Variants in EYS observed in about 807,000 individuals in gnomAD.
The protein encoded by EYS is EGF-like photoreceptor maintenance factor.
Under a neutral mutation model 282.1 loss-of-function variants are expected in EYS, and 250 were observed. That is an observed-to-expected ratio of 0.89 (90% CI 0.80 to 0.98). The LOEUF (loss-of-function observed/expected upper bound fraction) is 0.98, where lower values mean the gene tolerates loss of function less well. Among genes scored for constraint, EYS ranks in the 50% least tolerant of loss-of-function variants. EYS has a pLI of 0.00. For synonymous variants in EYS, 1,355 were observed against 1,282.9 expected, an observed-to-expected ratio of 1.06 and a Z score of -1.20; for missense variants, 4,016 against 3,709.0, an observed-to-expected ratio of 1.08 and a Z score of -2.15.
chr6:64,361,080 T>C (rs1314359707), intron 29 of EYS, among the ~76,000 whole-genome samples: 2 of 151,724 alleles, frequency 1.3e-5, no homozygotes, highest in Non-Finnish European at 2.9e-5. Flanking sequence ...ACCCAAAAAG[T>C]GACCCTTCCT....
intron 5 of EYS, among the ~76,000 whole-genome samples, chr6:65,472,254 A>T (rs1365629402): frequency 6.6e-6 from 1 of 152,130 alleles, no homozygotes; most frequent in African/African-American, 2.4e-5. Context: ...GTAAGTCTGA[A>T]AGCCATTTAT....
chr6:65,513,695 G>A, intron 2 of EYS, among the ~76,000 whole-genome samples: 2 of 151,748 alleles, frequency 1.3e-5, no homozygotes, highest in Non-Finnish European at 2.9e-5. Context: ...AAAACCACAT[G>A]ATTATCTCAA....
intron 22 of EYS, among the ~76,000 whole-genome samples, chr6:64,648,280 A>G (rs1768426405): frequency 6.6e-6 from 1 of 152,146 alleles, no homozygotes; most frequent in African/African-American, 2.4e-5. Context: ...AGGTAACCAC[A>G]CTGCTTGTGT....
At chr6:64,041,416 C>G (rs1435568786) in intron 33 of EYS, among the ~76,000 whole-genome samples, 1 of 152,106 alleles carries the variant, frequency 6.6e-6, no homozygotes, top group Non-Finnish European at 1.5e-5. Flanking sequence ...TAAAATGCAG[C>G]CTTCAGTATT....
intron 22 of EYS, among the ~76,000 whole-genome samples, chr6:64,707,450 A>G (rs962809539): frequency 3.3e-5 from 5 of 152,026 alleles, no homozygotes; most frequent in Admixed American, 2.0e-4. Context: ...TGGGCGGGTC[A>G]CGAGGTCAGG....
chr6:63,793,269 A>G (rs1770561968), intron 37 of EYS, among the ~76,000 whole-genome samples: 1 of 152,218 alleles, frequency 6.6e-6, no homozygotes, highest in African/African-American at 2.4e-5. Flanking sequence ...AGGGAAGTCC[A>G]CAATTCCTTT....
At chr6:65,680,034 C>T (rs951646729) in intron 1 of EYS, among the ~76,000 whole-genome samples, 10 of 151,074 alleles carry the variant, frequency 6.6e-5, no homozygotes, top group Admixed American at 1.3e-4. Flanking sequence ...AAACTTGTGA[C>T]GTTGCTTTAT....
At chr6:64,905,419 G>A (rs1253022119) in intron 16 of EYS, among the ~76,000 whole-genome samples, 3 of 152,144 alleles carry the variant, frequency 2.0e-5, no homozygotes, top group Admixed American at 2.0e-4. Context: ...TCGGTTGGCC[G>A]TACTTTGTTA....
intron 29 of EYS, among the ~76,000 whole-genome samples, chr6:64,369,679 C>T (rs59235421): frequency 0.031 from 4,737 of 151,982 alleles, 235 homozygotes; most frequent in African/African-American, 0.11. Flanking sequence ...AAAATAGCCA[C>T]GATATCCCTG....
chr6:65,176,534 T>C (rs973959498), intron 12 of EYS, among the ~76,000 whole-genome samples: 2 of 151,668 alleles, frequency 1.3e-5, no homozygotes, highest in African/African-American at 2.4e-5. Context: ...TATATTGAAA[T>C]AATAACTTTC....
At chr6:65,379,055 AAAAT>A (rs1328929576) in intron 8 of EYS, among the ~76,000 whole-genome samples, 3 of 151,918 alleles carry the variant, frequency 2.0e-5, no homozygotes, top group Non-Finnish European at 2.9e-5. Flanking sequence ...TAAACAAGAA[AAAAT>A]AAATAAATAA....
chr6:64,940,299 T>C (rs1459506957), intron 15 of EYS, among the ~76,000 whole-genome samples: 1 of 152,050 alleles, frequency 6.6e-6, no homozygotes, highest in African/African-American at 2.4e-5. Context: ...CAGTGGTGTT[T>C]GTCTGGTGAC....
At chr6:65,235,919 T>C (rs1377566677) in intron 12 of EYS, among the ~76,000 whole-genome samples, 1 of 152,162 alleles carries the variant, frequency 6.6e-6, no homozygotes, top group Non-Finnish European at 1.5e-5. Flanking sequence ...ATTTCTATTA[T>C]GTTACTTAAA....
intron 29 of EYS, among the ~76,000 whole-genome samples, chr6:64,362,902 C>G (rs1159693188): frequency 6.6e-6 from 1 of 151,760 alleles, no homozygotes; most frequent in African/African-American, 2.4e-5. Flanking sequence ...TTTAAAGTGC[C>G]TATCATGTGA....
chr6:64,192,189 T>C (rs537658819), intron 31 of EYS, among the ~76,000 whole-genome samples: 18 of 148,214 alleles, frequency 1.2e-4, no homozygotes, highest in African/African-American at 4.2e-4. Context: ...TGTTTTTTTC[T>C]TGTAAATTTG....
chr6:64,291,533 T>A (rs1019492996), intron 30 of EYS, among the ~76,000 whole-genome samples: 1 of 152,056 alleles, frequency 6.6e-6, no homozygotes, highest in Non-Finnish European at 1.5e-5. Context: ...AAGCAGACAA[T>A]GCACAAAAAT....
At chr6:64,169,092 T>C (rs1406060043) in intron 31 of EYS, among the ~76,000 whole-genome samples, 1 of 152,186 alleles carries the variant, frequency 6.6e-6, no homozygotes, top group Non-Finnish European at 1.5e-5. Flanking sequence ...CTCCTTAGAT[T>C]TGTGAGCTCC....
At chr6:65,178,948 C>A (rs1037066123) in intron 12 of EYS, among the ~76,000 whole-genome samples, 1 of 152,086 alleles carries the variant, frequency 6.6e-6, no homozygotes, top group Non-Finnish European at 1.5e-5. Context: ...GAACAACCTG[C>A]TCCTGAATGA....
chr6:64,411,707 G>A (rs1773896653), intron 28 of EYS, among the ~76,000 whole-genome samples: 2 of 151,990 alleles, frequency 1.3e-5, no homozygotes, highest in Non-Finnish European at 2.9e-5. Flanking sequence ...AACTAGCCAG[G>A]TGTGGTGGCT....
Sources: gnomAD v4.1 joint callset for allele counts (sites outside exome capture counted in the v4.1 genomes callset) on GRCh38, gnomAD v4.1.1 for gene constraint, MANE v1.5 for transcripts, NCBI Gene and HGNC (gene_info 2026-07-23, HGNC 2026-07-21) for gene names.